The following CYP11A1 variants were observed in gnomAD, a reference collection of about 807,000 sequenced individuals.
CYP11A1 encodes the protein cytochrome P450 family 11 subfamily A member 1.
Under a neutral mutation model 51.9 loss-of-function variants are expected in CYP11A1, and 25 were observed. That is an observed-to-expected ratio of 0.48 (90% confidence interval 0.35 to 0.67). The LOEUF (loss-of-function observed/expected upper bound fraction) is 0.67, where lower values mean the gene tolerates loss of function less well. Ranked by LOEUF, CYP11A1 falls within the 30% of genes least tolerant of loss-of-function variation. The pLI, the probability that CYP11A1 is intolerant of heterozygous loss-of-function variation, is 0.00. For missense variants in CYP11A1, 578 were observed against 680.9 expected, an observed-to-expected ratio of 0.85 and a Z score of 1.68; for synonymous variants, 245 against 262.1, an observed-to-expected ratio of 0.93 and a Z score of 0.63.
At chr15:74,339,920 C>G (rs1270297772) in intron 5 of CYP11A1, among the ~76,000 whole-genome samples, 167 bp from the exon 6 acceptor site, 3 of 152,230 alleles carry the variant, frequency 2.0e-5, no homozygotes. Flanking sequence ...ATTCCATTGT[C>G]TAAAAGGCAA....
At position 74,337,805 on chromosome 15, in the gene CYP11A1, A is replaced by T; in HGVS notation, c.*167T>A. 1 of 801,574 alleles carries T rather than the reference A, an allele frequency of 1.2e-6. No individual in the cohort carries two copies. Among genetic ancestry groups the T allele is most frequent in the South Asian group, 1.5e-5 (1 of 68,118 alleles). The allele number at this position is 801,574 out of a possible 1,614,324, so 49.7% of individuals were successfully genotyped here. A position where few individuals can be genotyped will look rare whatever the true frequency, so the allele number is the denominator to read the frequency against. On this transcript the variant is annotated 3_prime_UTR_variant, in exon 9 of 9. Transcript: ENST00000268053. ...TGTCTCCATGGGGTGGGTGAAGAGGAGTGGCCCAGCTGAGCTGAGGAAGGT... is the reference window on the plus strand; with the variant it reads ...TGTCTCCATGGGGTGGGTGAAGAGGTGTGGCCCAGCTGAGCTGAGGAAGGT...
chr15:74,362,927 A>G (rs1222409400), intron 1 of CYP11A1: 1 of 152,208 alleles, frequency 6.6e-6, no homozygotes, highest in Non-Finnish European at 1.5e-5. Context: ...AAAACAAAAA[A>G]TTGATTCACT....
At chr15:74,367,024 G>A (rs1369606260) in intron 1 of CYP11A1, 2 of 463,780 alleles carry the variant, frequency 4.3e-6, no homozygotes, top group South Asian at 2.1e-5. Context: ...CCAGACCTGG[G>A]GTTTGGACCC....
chr15:74,351,772 A>G (rs961370874), intron 1 of CYP11A1, among the ~76,000 whole-genome samples: 1 of 152,246 alleles, frequency 6.6e-6, no homozygotes, highest in Non-Finnish European at 1.5e-5. Flanking sequence ...AAAGTGGAAT[A>G]GAGTTGCATG....
intron 5 of CYP11A1, among the ~76,000 whole-genome samples, chr15:74,340,969 G>T (rs114194875): frequency 0.026 from 3,990 of 152,302 alleles, 183 homozygotes; most frequent in African/African-American, 0.091. Context: ...AAGAAGGAAG[G>T]ATGTGCTCCC....
chr15:74,339,388 G>A, intron 6 of CYP11A1, 73 bp from the exon 7 acceptor site: 1 of 1,516,154 alleles, frequency 6.6e-7, no homozygotes, highest in Non-Finnish European at 9.2e-7. Context: ...CACACCCTGT[G>A]TGGCATCTCA....
Position 74,367,368 on chromosome 15 carries a change from TTGTG to T in CYP11A1, c.214_217del (p.His72LysfsTer65). The T allele has an allele frequency of 6.2e-7, 1 of 1,614,052 alleles. No homozygotes were observed. Among genetic ancestry groups the T allele is most frequent in the Non-Finnish European group, 8.5e-7 (1 of 1,180,004 alleles). ...ATTCTGGACATGGTGAAGGTGGACTTTGTGTGTGCCCGTCTCCCTCCAGAAATGG... is the reference window on the plus strand; with the variant it reads ...ATTCTGGACATGGTGAAGGTGGACTTTGTGCCCGTCTCCCTCCAGAAATGG... On this transcript the variant is annotated frameshift_variant, in exon 1 of 9. Coordinates refer to ENST00000268053, the MANE Select transcript of CYP11A1 (RefSeq NM_000781.3). LOFTEE classifies it high-confidence loss of function.
At position 74,342,966 on chromosome 15, in the gene CYP11A1, A is replaced by G; in HGVS notation, c.990+11T>C. ...GGGGGCAACAAGGTGCCGCCCCTAC[A>G]GCCACCTCACCGTGTCCACCCCTCC... On this transcript the variant is annotated intron_variant, in intron 5 of 8. Transcript: ENST00000268053. 6.2e-7 allele frequency: 1 copy of G among 1,612,166 alleles called. No homozygotes were observed. Among genetic ancestry groups the G allele is most frequent in the Non-Finnish European group, 8.5e-7 (1 of 1,180,006 alleles).
chr15:74,343,459 C>A (rs1426569139), intron 4 of CYP11A1, among the ~76,000 whole-genome samples: 1 of 152,210 alleles, frequency 6.6e-6, no homozygotes, highest in Admixed American at 6.5e-5. Context: ...CTCCACCCAA[C>A]CTTCCCCATC....
chr15:74,341,911 G>T (rs2060608672), intron 5 of CYP11A1, among the ~76,000 whole-genome samples: 2 of 152,144 alleles, frequency 1.3e-5, no homozygotes. Context: ...CAAGGAAAGA[G>T]GCCTTTAGAA....
At chr15:74,339,441 T>C (rs2141231099) in intron 6 of CYP11A1, 126 bp from the exon 7 acceptor site, 2 of 1,392,364 alleles carry the variant, frequency 1.4e-6, no homozygotes, top group East Asian at 4.6e-5. Context: ...GGTAGGGCCC[T>C]GGCTCTATTT....
Position 74,367,625 on chromosome 15 carries a change from C to T in CYP11A1, c.-40G>A, listed in dbSNP as rs779387555. 3.5e-5 allele frequency: 56 copies of T among 1,604,530 alleles called. No homozygotes were observed. Among genetic ancestry groups the T allele is most frequent in the South Asian group, 1.8e-4 (16 of 89,912 alleles). ...TGTGACTGTACCTGCTCCACTTCAG[C>T]GGGGACTGCTAGGATGACTGTAGCC... On this transcript the variant is annotated 5_prime_UTR_variant, in exon 1 of 9. Transcript: ENST00000268053.
chr15:74,357,837 T>C (rs1290342638), intron 1 of CYP11A1, among the ~76,000 whole-genome samples: 1 of 152,220 alleles, frequency 6.6e-6, no homozygotes, highest in Non-Finnish European at 1.5e-5. Context: ...TCACAAACTG[T>C]GCTCAACTCA....
At chr15:74,339,955 G>C (rs1204726928) in intron 5 of CYP11A1, among the ~76,000 whole-genome samples, 1 of 152,214 alleles carries the variant, frequency 6.6e-6, no homozygotes, top group African/African-American at 2.4e-5. Flanking sequence ...TTTCTTGCCG[G>C]CCAGGCAGGA....
At chr15:74,353,057 A>G (rs2060663045) in intron 1 of CYP11A1, among the ~76,000 whole-genome samples, 1 of 152,218 alleles carries the variant, frequency 6.6e-6, no homozygotes, top group African/African-American at 2.4e-5. Flanking sequence ...GGGTTTCACT[A>G]AAATTTTACA....
chr15:74,341,896 C>T (rs1341543956), intron 5 of CYP11A1, among the ~76,000 whole-genome samples: 1 of 152,212 alleles, frequency 6.6e-6, no homozygotes, highest in Non-Finnish European at 1.5e-5. Flanking sequence ...CGGCCATCTA[C>T]AAGCCAAGGA....
intron 1 of CYP11A1, chr15:74,362,932 T>C (rs570866008): frequency 6.6e-6 from 1 of 152,322 alleles, no homozygotes; most frequent in Non-Finnish European, 1.5e-5. Flanking sequence ...AAAAAATTGA[T>C]TCACTCCACA....
chr15:74,360,045 T>G (rs1446740197), intron 1 of CYP11A1, among the ~76,000 whole-genome samples: 1 of 152,218 alleles, frequency 6.6e-6, no homozygotes, highest in Non-Finnish European at 1.5e-5. Flanking sequence ...TTTTCAAGAT[T>G]ATTGGAAAAA....
intron 1 of CYP11A1, chr15:74,361,406 G>A (rs559195238): frequency 4.0e-4 from 119 of 300,224 alleles, no homozygotes; most frequent in African/African-American, 2.2e-3. Flanking sequence ...ACTAACCCAC[G>A]TAAAACAACA....
Sources: gnomAD v4.1 joint callset for allele counts (sites outside exome capture counted in the v4.1 genomes callset) on GRCh38, gnomAD v4.1.1 for gene constraint, MANE v1.5 for transcripts, NCBI Gene and HGNC (gene_info 2026-07-23, HGNC 2026-07-21) for gene names.